The following SPRR2G variants were observed in gnomAD, a reference collection of about 807,000 sequenced individuals.
SPRR2G encodes small proline-rich protein 2G.
SPRR2G carries 1 observed loss-of-function variant against 0.7 expected under a neutral mutation model. That is an observed-to-expected ratio of 1.49 (90% CI 0.53 to 7.06). SPRR2G has a LOEUF of 7.06. SPRR2G is among the 30% of genes most tolerant of loss of function. SPRR2G has a pLI of 0.14. For synonymous variants in SPRR2G, 38 were observed against 33.9 expected (o/e 1.12, Z -0.42); for missense variants, 96 against 88.5 (o/e 1.09, Z -0.34).
At position 153,150,107 on chromosome 1, in the gene SPRR2G, A is replaced by G. The variant is rs777725113; in HGVS notation, c.4T>C (p.Ser2Pro). Residue 2 changes from serine (S) to proline (P), a missense_variant, in exon 2 of 2, where the codon TCT becomes CCT. Transcript: ENST00000368748. MSYQQQQCKQPC... is the reference protein window; with the variant it reads MPYQQQQCKQPC... ...TGCTTGCACTGCTGCTGCTGGTAAG[A>G]CATCTCTCCTCAGTCTCAGAGAATC... The G allele has an allele frequency of 6.2e-7, 1 of 1,612,160 alleles. No homozygotes were observed. Among genetic ancestry groups the G allele is most frequent in the Non-Finnish European group, 8.5e-7 (1 of 1,179,844 alleles).
At chr1:153,171,263 C>G in the SPRR2G span, among the ~76,000 whole-genome samples, 5 of 152,130 alleles carry the variant, frequency 3.3e-5, no homozygotes, top group Admixed American at 6.5e-5. Flanking sequence ...CCTGGGACTA[C>G]TTGAAACACA....
rs115633843 is a variant in SPRR2G at position 153,150,087 on chromosome 1, G to A, written c.24C>T (p.Cys8=). 1.1e-4 allele frequency: 171 copies of A among 1,612,682 alleles called. No individual in the cohort carries two copies. The African/African-American group carries it at 2.0e-3, about 19-fold the overall frequency. ...CAGGAGGTGGCTGGCAGGGCTGCTT[G>A]CACTGCTGCTGCTGGTAAGACATCT... MSYQQQQ[C]KQPCQPPPVC... is the part of the protein sequence containing the mutation. Residue 8 remains cysteine, a synonymous_variant, in exon 2 of 2, where the codon TGC becomes TGT. Coordinates refer to ENST00000368748, the MANE Select transcript of SPRR2G (RefSeq NM_001014291.4).
the SPRR2G span, among the ~76,000 whole-genome samples, chr1:153,202,585 G>T: frequency 6.6e-6 from 1 of 152,152 alleles, no homozygotes; most frequent in Admixed American, 6.5e-5. Flanking sequence ...CCTGTCTAAT[G>T]AGGTCTTTCT....
At chr1:153,181,303 A>G in the SPRR2G span, among the ~76,000 whole-genome samples, 1 of 152,108 alleles carries the variant, frequency 6.6e-6, no homozygotes, top group Non-Finnish European at 1.5e-5. Flanking sequence ...ATACATATTT[A>G]TGGGGTACAT....
At chr1:153,198,523 C>G in the SPRR2G span, among the ~76,000 whole-genome samples, 1 of 152,126 alleles carries the variant, frequency 6.6e-6, no homozygotes, top group Non-Finnish European at 1.5e-5. Context: ...CAAACACACC[C>G]TGGCTTAGAA....
chr1:153,168,745 C>T, the SPRR2G span, among the ~76,000 whole-genome samples: 3 of 151,970 alleles, frequency 2.0e-5, no homozygotes, highest in Non-Finnish European at 2.9e-5. Context: ...CAAATAAGTA[C>T]CAAACGAAAT....
chr1:153,182,268 GT>G, the SPRR2G span, among the ~76,000 whole-genome samples: 1 of 151,656 alleles, frequency 6.6e-6, no homozygotes, highest in Admixed American at 6.6e-5. Flanking sequence ...GGATTGTTTG[GT>G]TTTTTGCTGT....
chr1:153,177,392 T>C, the SPRR2G span, among the ~76,000 whole-genome samples: 1 of 152,184 alleles, frequency 6.6e-6, no homozygotes, highest in African/African-American at 2.4e-5. Context: ...CATAGCATGG[T>C]TGTATGTTTA....
At chr1:153,173,575 T>C in the SPRR2G span, among the ~76,000 whole-genome samples, 4 of 152,184 alleles carry the variant, frequency 2.6e-5, no homozygotes, top group South Asian at 4.1e-4. Context: ...AATAGAGTGC[T>C]CTGTACAAGG....
chr1:153,166,541 C>T, the SPRR2G span, among the ~76,000 whole-genome samples: 1 of 152,118 alleles, frequency 6.6e-6, no homozygotes, highest in Admixed American at 6.5e-5. Context: ...CTTCTCTCTT[C>T]CTTGATACCT....
chr1:153,195,873 A>T, the SPRR2G span, among the ~76,000 whole-genome samples: 23 of 151,546 alleles, frequency 1.5e-4, no homozygotes, highest in Non-Finnish European at 2.5e-4. Flanking sequence ...CAAGACCCCA[A>T]CTCTCATGAG....
chr1:153,166,861 A>G, the SPRR2G span, among the ~76,000 whole-genome samples: 4 of 141,846 alleles, frequency 2.8e-5, no homozygotes, highest in Non-Finnish European at 6.3e-5. Flanking sequence ...GAAGTTGAGT[A>G]TCACAGAATT....
At chr1:153,186,839 T>C in the SPRR2G span, among the ~76,000 whole-genome samples, 1 of 152,088 alleles carries the variant, frequency 6.6e-6, no homozygotes, top group African/African-American at 2.4e-5. Flanking sequence ...GCTGGTACCA[T>C]TTTTTCCTTT....
At chr1:153,202,385 C>A in the SPRR2G span, among the ~76,000 whole-genome samples, 1 of 152,256 alleles carries the variant, frequency 6.6e-6, no homozygotes, top group African/African-American at 2.4e-5. Context: ...TTAAAGCCAG[C>A]ACAGGGAGAC....
the SPRR2G span, among the ~76,000 whole-genome samples, chr1:153,156,609 A>C: frequency 6.6e-6 from 1 of 152,048 alleles, no homozygotes; most frequent in Non-Finnish European, 1.5e-5. Flanking sequence ...CCTCACCCTC[A>C]CCATTCACTG....
the SPRR2G span, among the ~76,000 whole-genome samples, chr1:153,185,707 A>C: frequency 6.6e-6 from 1 of 151,908 alleles, no homozygotes; most frequent in African/African-American, 2.4e-5. Context: ...TCATGTCTCT[A>C]TCTCCTTCAG....
chr1:153,173,156 A>T, the SPRR2G span, among the ~76,000 whole-genome samples: 1 of 152,198 alleles, frequency 6.6e-6, no homozygotes, highest in African/African-American at 2.4e-5. Context: ...ACTTCACTTA[A>T]ATTGAAGTCA....
chr1:153,156,422 C>T, the SPRR2G span, among the ~76,000 whole-genome samples: 4,706 of 152,278 alleles, frequency 0.031, 241 homozygotes, highest in African/African-American at 0.11. Context: ...TTTGTAAACA[C>T]CATGTATCTT....
the SPRR2G span, among the ~76,000 whole-genome samples, chr1:153,171,288 C>T: frequency 2.0e-5 from 3 of 152,150 alleles, no homozygotes; most frequent in African/African-American, 7.2e-5. Flanking sequence ...TGTCTTACCA[C>T]ACACAAACAC....
Sources: gnomAD v4.1 joint callset for allele counts (sites outside exome capture counted in the v4.1 genomes callset) on GRCh38, gnomAD v4.1.1 for gene constraint, MANE v1.5 for transcripts, NCBI Gene and HGNC (gene_info 2026-07-23, HGNC 2026-07-21) for gene names.